NTRK3: variants seen among roughly 807,000 people sequenced by gnomAD.
NTRK3 encodes the protein NT-3 growth factor receptor.
A neutral mutation model predicts 91.7 loss-of-function variants in NTRK3; 24 were observed. That is an observed-to-expected ratio of 0.26 (90% CI 0.19 to 0.37). The LOEUF (loss-of-function observed/expected upper bound fraction) is 0.37. Among genes scored for constraint, NTRK3 ranks in the 10% least tolerant of loss-of-function variants. The pLI is 1.00. For missense variants in NTRK3, 880 were observed against 1,068.9 expected (o/e 0.82, Z 2.46); for synonymous variants, 483 against 404.0 (o/e 1.20, Z -2.34).
At chr15:88,193,792 T>A (rs1468152214) in intron 3 of NTRK3, among the ~76,000 whole-genome samples, 1 of 152,132 alleles carries the variant, frequency 6.6e-6, no homozygotes, top group Non-Finnish European at 1.5e-5. Flanking sequence ...TGTTTTTCCA[T>A]CAACATATAA....
At chr15:88,068,262 T>A (rs566778639) in intron 13 of NTRK3, among the ~76,000 whole-genome samples, 90 of 152,094 alleles carry the variant, frequency 5.9e-4, no homozygotes, top group African/African-American at 2.1e-3. Context: ...TGAAACCACA[T>A]CTCTACTAAA....
At chr15:88,090,306 T>A (rs1272650692) in intron 13 of NTRK3, among the ~76,000 whole-genome samples, 1 of 152,206 alleles carries the variant, frequency 6.6e-6, no homozygotes, top group Non-Finnish European at 1.5e-5. Context: ...AAGCAGGGAC[T>A]GTTTTATTTA....
At chr15:88,140,629 C>T (rs1014699962) in intron 6 of NTRK3, among the ~76,000 whole-genome samples, 3 of 152,218 alleles carry the variant, frequency 2.0e-5, no homozygotes, top group Non-Finnish European at 2.9e-5. Flanking sequence ...AATACATTAG[C>T]ACAAACTCCA....
intron 14 of NTRK3, among the ~76,000 whole-genome samples, chr15:88,024,552 G>A (rs138359887): frequency 2.0e-5 from 3 of 152,248 alleles, no homozygotes; most frequent in East Asian, 1.9e-4. Context: ...CCAAGACGAC[G>A]CCAAGACAGA....
intron 14 of NTRK3, among the ~76,000 whole-genome samples, chr15:88,014,616 A>T (rs2077101933): frequency 6.6e-6 from 1 of 152,196 alleles, no homozygotes; most frequent in Non-Finnish European, 1.5e-5. Flanking sequence ...TGCAACTGCA[A>T]CTAACTGGTG....
intron 5 of NTRK3, among the ~76,000 whole-genome samples, chr15:88,159,601 T>TG (rs1567552171): frequency 6.6e-6 from 1 of 152,188 alleles, no homozygotes; most frequent in Non-Finnish European, 1.5e-5. Context: ...CAAATCCCTC[T>TG]GCCCTAAAGA....
At chr15:87,953,681 C>T (rs2071375167) in intron 14 of NTRK3, among the ~76,000 whole-genome samples, 1 of 152,166 alleles carries the variant, frequency 6.6e-6, no homozygotes, top group Non-Finnish European at 1.5e-5. Context: ...CAGGAACCCA[C>T]ATCAAACACA....
intron 13 of NTRK3, among the ~76,000 whole-genome samples, chr15:88,103,659 G>C (rs1261235350): frequency 9.9e-5 from 15 of 152,012 alleles, no homozygotes; most frequent in Non-Finnish European, 4.4e-5. Flanking sequence ...TAAGACTCTG[G>C]GAGGGGATTC....
chr15:88,075,292 C>T (rs2047440349), intron 13 of NTRK3, among the ~76,000 whole-genome samples: 1 of 152,352 alleles, frequency 6.6e-6, no homozygotes, highest in Admixed American at 6.5e-5. Context: ...TGCATGACGT[C>T]AGCCCCTGTC....
intron 13 of NTRK3, among the ~76,000 whole-genome samples, chr15:88,068,923 A>G (rs936612581): frequency 6.6e-6 from 1 of 152,168 alleles, no homozygotes; most frequent in Non-Finnish European, 1.5e-5. Flanking sequence ...TAGGGTACAA[A>G]AAGGAAAGTA....
At chr15:88,174,409 A>G (rs2045805419) in intron 5 of NTRK3, among the ~76,000 whole-genome samples, 1 of 152,022 alleles carries the variant, frequency 6.6e-6, no homozygotes, top group Non-Finnish European at 1.5e-5. Flanking sequence ...AGCCCCTCCC[A>G]TATACTCATA....
intron 13 of NTRK3, among the ~76,000 whole-genome samples, chr15:88,095,235 C>T (rs1390075726): frequency 6.6e-6 from 1 of 152,194 alleles, no homozygotes; most frequent in Non-Finnish European, 1.5e-5. Flanking sequence ...GGTTGGAAAG[C>T]CACATAAAGA....
chr15:87,925,992 C>T (rs2068275354), intron 17 of NTRK3, among the ~76,000 whole-genome samples: 1 of 152,300 alleles, frequency 6.6e-6, no homozygotes, highest in East Asian at 1.9e-4. Flanking sequence ...AATTAACTTG[C>T]TTAACATCAA....
intron 14 of NTRK3, among the ~76,000 whole-genome samples, chr15:88,000,028 T>C (rs1395701405): frequency 6.6e-6 from 1 of 152,172 alleles, no homozygotes; most frequent in African/African-American, 2.4e-5. Context: ...GCTATGATGG[T>C]GATATTCAAG....
intron 15 of NTRK3, among the ~76,000 whole-genome samples, chr15:87,938,947 CTT>C (rs1468039125): frequency 6.6e-6 from 1 of 152,078 alleles, no homozygotes; most frequent in Non-Finnish European, 1.5e-5. Context: ...ATGCAGGACT[CTT>C]GTTTATTTTC....
At chr15:87,888,826 C>G (rs903738695) in intron 17 of NTRK3, among the ~76,000 whole-genome samples, 2 of 151,900 alleles carry the variant, frequency 1.3e-5, no homozygotes, top group Admixed American at 1.3e-4. Context: ...TTTTTATTTG[C>G]AAAGTCTGGC....
intron 5 of NTRK3, among the ~76,000 whole-genome samples, chr15:88,177,696 T>C (rs2046121776): frequency 6.6e-6 from 1 of 152,182 alleles, no homozygotes; most frequent in African/African-American, 2.4e-5. Context: ...GTAGGCAGTT[T>C]GATATAGGAA....
chr15:87,949,808 AG>A (rs1280816159), intron 14 of NTRK3, among the ~76,000 whole-genome samples: 1 of 152,126 alleles, frequency 6.6e-6, no homozygotes, highest in Admixed American at 6.5e-5. Context: ...TGACTGCTTG[AG>A]CCAAGAATAA....
intron 17 of NTRK3, among the ~76,000 whole-genome samples, chr15:87,882,233 A>G (rs2065294788): frequency 6.6e-6 from 1 of 152,170 alleles, no homozygotes; most frequent in African/African-American, 2.4e-5. Flanking sequence ...TCTAATCAGG[A>G]TAGTTTTGTA....
Sources: allele counts gnomAD v4.1 joint callset (sites outside exome capture counted in the v4.1 genomes callset), GRCh38; gene constraint gnomAD v4.1.1; transcripts MANE v1.5; gene names NCBI Gene and HGNC (gene_info 2026-07-23, HGNC 2026-07-21).